Variants in ASTN2 observed in about 807,000 individuals in gnomAD.
The protein encoded by ASTN2 is astrotactin-2.
ASTN2 carries 54 observed loss-of-function variants against 139.8 expected under a neutral mutation model. The ratio of observed to expected loss-of-function variants is 0.39; its 90% CI spans 0.31 to 0.48. The LOEUF is 0.48. Ranked by LOEUF, ASTN2 falls within the 20% of genes least tolerant of loss-of-function variation. The probability of loss-of-function intolerance (pLI) is 0.95; values close to 1 mark genes in which losing one functional copy is unlikely to be tolerated. For missense variants in ASTN2, 1,565 were observed against 1,725.1 expected, an observed-to-expected ratio of 0.91 and a Z score of 1.64; for synonymous variants, 756 against 719.5, an observed-to-expected ratio of 1.05 and a Z score of -0.81.
intron 4 of ASTN2, among the ~76,000 whole-genome samples, chr9:117,138,476 G>T (rs1330050491): frequency 2.0e-5 from 3 of 152,222 alleles, no homozygotes; most frequent in Non-Finnish European, 2.9e-5. Context: ...AGCAAATGAT[G>T]TTCGAAAAGA....
At chr9:116,651,107 G>A (rs1201213833) in intron 17 of ASTN2, among the ~76,000 whole-genome samples, 1 of 151,896 alleles carries the variant, frequency 6.6e-6, no homozygotes, top group Non-Finnish European at 1.5e-5. Flanking sequence ...AGTAGAGATG[G>A]GGTTTCACCA....
intron 2 of ASTN2, among the ~76,000 whole-genome samples, chr9:117,239,011 G>T (rs948314053): frequency 3.3e-5 from 5 of 152,166 alleles, no homozygotes; most frequent in Admixed American, 3.3e-4. Context: ...GTTCTTCTTT[G>T]CAGAACTTTA....
chr9:116,573,234 G>T (rs1853594523), intron 19 of ASTN2, among the ~76,000 whole-genome samples: 2 of 152,166 alleles, frequency 1.3e-5, no homozygotes, highest in Admixed American at 1.3e-4. Flanking sequence ...ATAAGCAATG[G>T]CTATTCTTTA....
intron 12 of ASTN2, among the ~76,000 whole-genome samples, chr9:116,807,452 A>C (rs1251989302): frequency 6.6e-6 from 1 of 152,186 alleles, no homozygotes; most frequent in Admixed American, 6.6e-5. Context: ...GCACTGATGC[A>C]CTGATGGTCT....
intron 19 of ASTN2, among the ~76,000 whole-genome samples, chr9:116,587,210 G>A (rs943422193): frequency 2.6e-5 from 4 of 151,878 alleles, no homozygotes; most frequent in African/African-American, 9.7e-5. Flanking sequence ...GTGTGGTGAC[G>A]CATGCCTGTA....
chr9:117,346,377 G>T (rs1421705047), intron 1 of ASTN2, among the ~76,000 whole-genome samples: 1 of 152,146 alleles, frequency 6.6e-6, no homozygotes, highest in African/African-American at 2.4e-5. Context: ...ACAGAATTCA[G>T]ATCTGTATTA....
chr9:116,460,031 C>T lies in ASTN2; in HGVS notation c.3498-17478G>A, dbSNP rs549746554. Among the ~76,000 whole-genome samples the T allele has an allele frequency of 2.6e-4, 40 of 152,090 alleles. No homozygotes were observed. The East Asian group carries it at 3.3e-3, about 12-fold the overall frequency. On this transcript the variant is annotated intron_variant, in intron 20 of 22. Coordinates refer to ENST00000313400, the MANE Select transcript of ASTN2 (RefSeq NM_001365068.1). ...ATCCATCAACTGATGAATGAATAAACGAAAGGTGGTATATCTAAATAACTG... is the reference window on the plus strand; with the variant it reads ...ATCCATCAACTGATGAATGAATAAATGAAAGGTGGTATATCTAAATAACTG...
chr9:117,151,326 C>T (rs978214587), intron 3 of ASTN2, among the ~76,000 whole-genome samples: 2 of 152,146 alleles, frequency 1.3e-5, no homozygotes, highest in African/African-American at 2.4e-5. Context: ...CTGTCCATGA[C>T]TTCAGAGGAA....
chr9:117,374,813 G>A (rs1220614648), intron 1 of ASTN2, among the ~76,000 whole-genome samples: 1 of 152,092 alleles, frequency 6.6e-6, no homozygotes, highest in East Asian at 1.9e-4. Flanking sequence ...AGGAAAAGAG[G>A]AGCTGTAGGC....
chr9:116,565,396 T>TCC (rs1331883625), intron 19 of ASTN2, among the ~76,000 whole-genome samples: 8 of 25,974 alleles, frequency 3.1e-4, no homozygotes, highest in East Asian at 9.7e-4. Flanking sequence ...TCCATATATA[T>TCC]ATATATATAT....
intron 10 of ASTN2, among the ~76,000 whole-genome samples, chr9:116,939,833 G>A (rs1222839593): frequency 2.6e-5 from 4 of 152,122 alleles, no homozygotes; most frequent in African/African-American, 7.2e-5. Context: ...GCATGATGAC[G>A]TTTCCGTCAA....
At chr9:117,065,056 C>T (rs945094877) in intron 5 of ASTN2, among the ~76,000 whole-genome samples, 2 of 151,998 alleles carry the variant, frequency 1.3e-5, no homozygotes, top group Admixed American at 1.3e-4. Flanking sequence ...TGATTGGTGT[C>T]CTTATAAGAG....
At chr9:117,112,708 CATAG>C (rs1024501132) in intron 4 of ASTN2, among the ~76,000 whole-genome samples, 1 of 151,868 alleles carries the variant, frequency 6.6e-6, no homozygotes, top group African/African-American at 2.4e-5. Flanking sequence ...AGGCAAAGGT[CATAG>C]ATAGAAAACA....
chr9:117,117,517 T>G (rs1029769655), intron 4 of ASTN2, among the ~76,000 whole-genome samples: 3 of 152,088 alleles, frequency 2.0e-5, no homozygotes, highest in African/African-American at 7.2e-5. Context: ...CCTCAAGATG[T>G]GAGCAGAGGC....
chr9:116,830,577 A>G (rs7036331), intron 11 of ASTN2, among the ~76,000 whole-genome samples: 120,318 of 151,648 alleles, frequency 0.79, 47,933 homozygotes, highest in East Asian at 0.91. Flanking sequence ...GGATCACTAG[A>G]GGCCAGGAGT....
chr9:117,003,940 A>ACG (rs772588901), intron 7 of ASTN2, among the ~76,000 whole-genome samples: 3,328 of 144,398 alleles, frequency 0.023, 133 homozygotes, highest in Admixed American at 0.098. Flanking sequence ...TGTTTCTTTC[A>ACG]CGCGCGCGCG....
At chr9:116,958,890 T>C (rs1186251547) in intron 10 of ASTN2, among the ~76,000 whole-genome samples, 2 of 152,060 alleles carry the variant, frequency 1.3e-5, no homozygotes, top group South Asian at 2.1e-4. Context: ...CACTATGAAA[T>C]GGGTTCAACC....
chr9:117,109,361 T>A (rs912768760), intron 4 of ASTN2, among the ~76,000 whole-genome samples: 1 of 134,750 alleles, frequency 7.4e-6, no homozygotes, highest in Admixed American at 7.1e-5. Context: ...TAAATAAAAA[T>A]AAATAAATAA....
intron 11 of ASTN2, among the ~76,000 whole-genome samples, chr9:116,858,212 CA>C (rs1832790472): frequency 6.6e-6 from 1 of 152,130 alleles, no homozygotes; most frequent in Non-Finnish European, 1.5e-5. Context: ...TCCTGATTCA[CA>C]AATCTATAGA....
Sources: allele counts gnomAD v4.1 joint callset (sites outside exome capture counted in the v4.1 genomes callset), GRCh38; gene constraint gnomAD v4.1.1; transcripts MANE v1.5; gene names NCBI Gene and HGNC (gene_info 2026-07-23, HGNC 2026-07-21).